IRAK1BP1: variants seen among roughly 807,000 people sequenced by gnomAD.
IRAK1BP1 encodes the protein interleukin-1 receptor-associated kinase 1-binding protein 1.
A neutral mutation model predicts 28.0 loss-of-function variants in IRAK1BP1; 24 were observed. The ratio of observed to expected loss-of-function variants is 0.86; its 90% CI spans 0.62 to 1.20. The LOEUF is 1.20. Among genes scored for constraint, IRAK1BP1 ranks in the 50% most tolerant of loss-of-function variants. The pLI is 0.00. For missense variants in IRAK1BP1, 336 were observed against 316.7 expected (o/e 1.06, Z -0.46); for synonymous variants, 131 against 116.3 (o/e 1.13, Z -0.81).
intron 2 of IRAK1BP1, among the ~76,000 whole-genome samples, chr6:78,889,743 T>C (rs1457093226): frequency 6.6e-6 from 1 of 152,126 alleles, no homozygotes; most frequent in African/African-American, 2.4e-5. Flanking sequence ...TCAGTTAGAA[T>C]GGCAATCTTT....
exon 5 of IRAK1BP1, chr6:78,945,606 T>C (rs917790539): frequency 1.1e-5 from 8 of 704,164 alleles, no homozygotes; most frequent in African/African-American, 9.1e-5. Flanking sequence ...ACCTGAAGGA[T>C]GCTTAAAGCT....
the IRAK1BP1 span, among the ~76,000 whole-genome samples, chr6:78,953,558 G>C: frequency 6.6e-6 from 1 of 152,114 alleles, no homozygotes; most frequent in East Asian, 1.9e-4. Context: ...CTCAGTCCCA[G>C]GTTTTTTGAA....
chr6:78,970,099 A>C, the IRAK1BP1 span: 1 of 1,613,538 alleles, frequency 6.2e-7, no homozygotes, highest in Non-Finnish European at 8.5e-7. Flanking sequence ...GATCTAGAAA[A>C]GCAAGTTTAA....
chr6:78,941,587 CATTGTG>C (rs1773504410), intron 4 of IRAK1BP1, among the ~76,000 whole-genome samples: 1 of 152,100 alleles, frequency 6.6e-6, no homozygotes, highest in South Asian at 2.1e-4. Context: ...TCTAAGTTAA[CATTGTG>C]ATTGAGTATA....
At chr6:78,884,037 G>A (rs181016022) in intron 1 of IRAK1BP1, among the ~76,000 whole-genome samples, 11 of 152,108 alleles carry the variant, frequency 7.2e-5, no homozygotes, top group Non-Finnish European at 1.0e-4. Context: ...GAGAACTACC[G>A]TACTGTTTTG....
At chr6:78,945,826 C>G (rs943168376) in exon 5 of IRAK1BP1, 3 of 618,940 alleles carry the variant, frequency 4.8e-6, no homozygotes, top group Admixed American at 2.5e-5. Context: ...TGACCTAAAC[C>G]TCAATTTAAT....
At chr6:78,951,846 T>A in the IRAK1BP1 span, among the ~76,000 whole-genome samples, 1 of 152,226 alleles carries the variant, frequency 6.6e-6, no homozygotes, top group Non-Finnish European at 1.5e-5. Flanking sequence ...ACATAAGGGA[T>A]ACGGGTTCCC....
At chr6:78,962,176 A>C in the IRAK1BP1 span, among the ~76,000 whole-genome samples, 1 of 152,142 alleles carries the variant, frequency 6.6e-6, no homozygotes, top group East Asian at 1.9e-4. Flanking sequence ...ACTGCATTCA[A>C]ATCTAACCTT....
chr6:78,935,440 C>A, intron 4 of IRAK1BP1: 1 of 910,884 alleles, frequency 1.1e-6, no homozygotes, highest in East Asian at 1.2e-4. Context: ...AACCTTCTTT[C>A]CATCATTCCT....
rs770518425 is a variant in IRAK1BP1 at position 78,902,954 on chromosome 6, T to TTA, written c.*4623_*4624dup. ...TTCTACTATTAAAACAATAAAACTC[T>TTA]TATAAACCTGTTTATCAGAAGGATA... On this transcript the variant is annotated 3_prime_UTR_variant, in exon 4 of 4. Coordinates refer to ENST00000369940, the MANE Select transcript of IRAK1BP1 (RefSeq NM_001010844.4). The TTA allele has an allele frequency of 2.5e-5, 27 of 1,074,270 alleles. No individual in the cohort carries two copies. The South Asian group carries it at 2.7e-4, about 11-fold the overall frequency. The allele number at this position is 1,074,270 out of a possible 1,614,324, so 66.5% of individuals were successfully genotyped here.
At chr6:78,963,550 A>C in the IRAK1BP1 span, among the ~76,000 whole-genome samples, 3 of 152,188 alleles carry the variant, frequency 2.0e-5, no homozygotes, top group African/African-American at 7.2e-5. Context: ...CAAATTTCAA[A>C]GTTTTCTGAA....
chr6:78,915,614 C>G (rs1158939085), intron 4 of IRAK1BP1, among the ~76,000 whole-genome samples: 1 of 152,088 alleles, frequency 6.6e-6, no homozygotes, highest in Non-Finnish European at 1.5e-5. Flanking sequence ...CAAATTTGGC[C>G]CAAGGACTCC....
At chr6:78,929,988 G>C (rs555522149) in intron 4 of IRAK1BP1, among the ~76,000 whole-genome samples, 1 of 152,246 alleles carries the variant, frequency 6.6e-6, no homozygotes, top group African/African-American at 2.4e-5. Flanking sequence ...TCAGGCTGGA[G>C]TGCAGTGGCA....
At chr6:78,913,358 T>C (rs1772476502) in intron 4 of IRAK1BP1, among the ~76,000 whole-genome samples, 1 of 146,990 alleles carries the variant, frequency 6.8e-6, no homozygotes, top group African/African-American at 2.5e-5. Context: ...TACAAGTCAT[T>C]ACTGGGGCCG....
chr6:78,881,353 ACAATCTGTT>A (rs1771220654), intron 1 of IRAK1BP1, among the ~76,000 whole-genome samples: 1 of 152,190 alleles, frequency 6.6e-6, no homozygotes, highest in African/African-American at 2.4e-5. Context: ...TTAGTGGTTA[ACAATCTGTT>A]GGAGGGCAAA....
At chr6:78,947,910 CAA>C, downstream of IRAK1BP1, 1 of 477,696 alleles carries the variant, frequency 2.1e-6, no homozygotes. Context: ...TTCCCCTTAT[CAA>C]GAGTCCCTTT....
At chr6:78,958,416 G>T in the IRAK1BP1 span, 1 of 1,064,984 alleles carries the variant, frequency 9.4e-7, no homozygotes, top group Non-Finnish European at 1.4e-6. Context: ...ATTTTAAGAG[G>T]AACTGTAGTG....
chr6:78,917,609 C>A (rs1772594574), intron 4 of IRAK1BP1, among the ~76,000 whole-genome samples: 1 of 129,092 alleles, frequency 7.7e-6, no homozygotes, highest in Non-Finnish European at 1.6e-5. Context: ...GGCATATAGT[C>A]ACCAGACTGT....
chr6:78,965,059 A>G, the IRAK1BP1 span, among the ~76,000 whole-genome samples: 1 of 152,288 alleles, frequency 6.6e-6, no homozygotes, highest in African/African-American at 2.4e-5. Context: ...TCACTGCCTA[A>G]GGCTAATTAT....
Sources: gnomAD v4.1 joint callset for allele counts (sites outside exome capture counted in the v4.1 genomes callset) on GRCh38, gnomAD v4.1.1 for gene constraint, MANE v1.5 for transcripts, NCBI Gene and HGNC (gene_info 2026-07-23, HGNC 2026-07-21) for gene names.